Variants in RNLS observed in about 807,000 individuals in gnomAD.
RNLS encodes renalase, FAD dependent amine oxidase, also known as renalase.
In RNLS, 39 loss-of-function variants were observed where a neutral mutation model predicts 39.8. That is an observed-to-expected ratio of 0.98 (90% CI 0.76 to 1.28). The LOEUF is 1.28. Ranked by LOEUF, RNLS falls within the 50% of genes most tolerant of loss-of-function variation. The pLI, the probability that RNLS is intolerant of heterozygous loss-of-function variation, is 0.00. For synonymous variants in RNLS, 147 were observed against 150.7 expected (o/e 0.98, Z 0.18); for missense variants, 410 against 413.3 (o/e 0.99, Z 0.07).
At chr10:88,178,623 G>A in the RNLS span, among the ~76,000 whole-genome samples, 5 of 152,244 alleles carry the variant, frequency 3.3e-5, no homozygotes, top group Admixed American at 6.5e-5. Context: ...TGCCTTAGAG[G>A]GTCTTTGTCA....
At chr10:88,234,728 C>T in the RNLS span, among the ~76,000 whole-genome samples, 2 of 152,038 alleles carry the variant, frequency 1.3e-5, no homozygotes, top group Non-Finnish European at 2.9e-5. Flanking sequence ...GGGGATAAGG[C>T]AAAGAGACAG....
intron 6 of RNLS, among the ~76,000 whole-genome samples, chr10:88,288,887 C>A (rs1161234408): frequency 6.6e-6 from 1 of 152,130 alleles, no homozygotes; most frequent in East Asian, 1.9e-4. Flanking sequence ...AAAGTAAGAG[C>A]CCTGCAGTGG....
Position 88,310,824 on chromosome 10 carries a change from A to AAAAAAAAAAAAAAAAAAAAAAAAAAAAAG in RNLS, c.876+3641_876+3642insCTTTTTTTTTTTTTTTTTTTTTTTTTTTT, listed in dbSNP as rs1217903555. ...GCCAAAAAAAAAAAAAAAAAAAAAAAAAAGAAAGAAAAGGAAGAGAAAAGG... is the reference window on the plus strand; with the variant it reads ...GCCAAAAAAAAAAAAAAAAAAAAAAAAAAAAAAAAAAAAAAAAAAAAAAAAAAAGAAAGAAAGAAAAGGAAGAGAAAAGG... On this transcript the variant is annotated intron_variant, in intron 6 of 6. Transcript: ENST00000331772. 9.8e-4 allele frequency among the ~76,000 whole-genome samples: 111 copies of AAAAAAAAAAAAAAAAAAAAAAAAAAAAAG among 113,408 alleles called. 7 individuals carry two copies. Among genetic ancestry groups the AAAAAAAAAAAAAAAAAAAAAAAAAAAAAG allele is most frequent in the East Asian group, 1.5e-3 (6 of 4,020 alleles). The allele number at this position is 113,408 out of a possible 152,430, so 74.4% of individuals were successfully genotyped here.
chr10:88,220,968 GGTC>G, the RNLS span, among the ~76,000 whole-genome samples: 1 of 152,184 alleles, frequency 6.6e-6, no homozygotes, highest in African/African-American at 2.4e-5. Flanking sequence ...TTGAGTTTGA[GGTC>G]GTCTAAGTGC....
intron 4 of RNLS, among the ~76,000 whole-genome samples, chr10:88,488,651 T>C (rs1286124124): frequency 7.0e-6 from 1 of 143,588 alleles, no homozygotes; most frequent in African/African-American, 2.6e-5. Context: ...AATACTAAAA[T>C]ATGAGCAAGC....
At chr10:88,229,223 AT>A in the RNLS span, among the ~76,000 whole-genome samples, 1 of 152,228 alleles carries the variant, frequency 6.6e-6, no homozygotes, top group African/African-American at 2.4e-5. Context: ...GAATACCCCA[AT>A]TCAAGTGCCT....
chr10:88,295,737 C>T (rs1350388759), intron 6 of RNLS, among the ~76,000 whole-genome samples: 2 of 152,136 alleles, frequency 1.3e-5, no homozygotes, highest in Non-Finnish European at 1.5e-5. Context: ...CAGAATGTGC[C>T]ACAAATCAAT....
chr10:88,498,425 T>C (rs975210107), intron 4 of RNLS, among the ~76,000 whole-genome samples: 40 of 151,188 alleles, frequency 2.6e-4, no homozygotes, highest in Admixed American at 8.6e-4. Context: ...TAGTTCTAGA[T>C]TAAAGAAAAT....
chr10:88,374,838 G>A (rs1386760413), intron 4 of RNLS, among the ~76,000 whole-genome samples: 1 of 151,938 alleles, frequency 6.6e-6, no homozygotes, highest in East Asian at 1.9e-4. Context: ...AAGCTTCTAC[G>A]CAACTAACCT....
intron 5 of RNLS, among the ~76,000 whole-genome samples, chr10:88,318,103 G>T (rs1301989185): frequency 6.6e-6 from 1 of 152,210 alleles, no homozygotes; most frequent in Non-Finnish European, 1.5e-5. Context: ...GAGCCATGCT[G>T]GTTGTGCACC....
chr10:88,341,057 T>TA (rs761120148), intron 5 of RNLS, among the ~76,000 whole-genome samples: 1 of 15,136 alleles, frequency 6.6e-5, no homozygotes, highest in African/African-American at 2.5e-4. Context: ...AGATTCTGTC[T>TA]CAAAAAAAAA....
intron 5 of RNLS, chr10:88,343,490 G>A (rs1428493615): frequency 1.1e-5 from 10 of 914,758 alleles, no homozygotes; most frequent in Non-Finnish European, 1.3e-5. Context: ...AGTGATGAAC[G>A]TAAGTTTGAT....
chr10:88,208,480 A>G, the RNLS span, among the ~76,000 whole-genome samples: 2 of 152,334 alleles, frequency 1.3e-5, no homozygotes, highest in South Asian at 4.1e-4. Context: ...GTAATCCCCT[A>G]GAGCCACTGT....
the RNLS span, among the ~76,000 whole-genome samples, chr10:88,204,202 A>G: frequency 6.6e-6 from 1 of 152,066 alleles, no homozygotes; most frequent in African/African-American, 2.4e-5. Context: ...ATAGTGATTT[A>G]TGAGTTGCCA....
the RNLS span, among the ~76,000 whole-genome samples, chr10:88,214,771 C>T: frequency 6.6e-6 from 1 of 152,138 alleles, no homozygotes; most frequent in East Asian, 1.9e-4. Context: ...TTTGTAGAGG[C>T]TGAACAAATG....
rs189536381 is a variant in RNLS, at chr10:88,356,348, C to T, written c.700+6204G>A. Among the ~76,000 whole-genome samples, 8 of 152,270 alleles carry T rather than the reference C, an allele frequency of 5.3e-5. No individual in the cohort carries two copies. The Middle Eastern group carries it at 0.01, about 194-fold the overall frequency. On this transcript the variant is annotated intron_variant, in intron 5 of 6. Transcript: ENST00000331772. ...TAGACTGGAGCTGTTCCTATTCAGC[C>T]GTCTTGGAACTGCCCCCCGATTCAA...
At chr10:88,567,441 T>G (rs535558803) in intron 4 of RNLS, among the ~76,000 whole-genome samples, 8 of 152,212 alleles carry the variant, frequency 5.3e-5, no homozygotes, top group African/African-American at 1.9e-4. Context: ...ATGCAGTTTT[T>G]AAATATTGGA....
the RNLS span, among the ~76,000 whole-genome samples, chr10:88,181,931 T>A: frequency 6.6e-6 from 1 of 152,158 alleles, no homozygotes; most frequent in Non-Finnish European, 1.5e-5. Flanking sequence ...GAGATCTTTA[T>A]GGTGAAGCTG....
rs915807285 is a variant in RNLS, at chr10:88,538,476, T to C, written c.526+34427A>G. 3.3e-5 allele frequency among the ~76,000 whole-genome samples: 5 copies of C among 152,170 alleles called. No individual in the cohort carries two copies. In the East Asian group the frequency reaches 9.6e-4, roughly 29 times the overall value. On this transcript the variant is annotated intron_variant, in intron 4 of 6. Coordinates refer to ENST00000331772, the MANE Select transcript of RNLS (RefSeq NM_001031709.3). ...ACCATTTATCTCCCCTCAAAATCTC[T>C]TGCAATGCCTGTCTTCAGAGATTCT... is the stretch of plus-strand genomic sequence containing the variant.
Sources: gnomAD v4.1 joint callset for allele counts (sites outside exome capture counted in the v4.1 genomes callset) on GRCh38, gnomAD v4.1.1 for gene constraint, MANE v1.5 for transcripts, NCBI Gene and HGNC (gene_info 2026-07-23, HGNC 2026-07-21) for gene names.